Variants in ITGB3BP observed in about 807,000 individuals in gnomAD.
The protein encoded by ITGB3BP is centromere protein R.
In ITGB3BP, 27 loss-of-function variants were observed where a neutral mutation model predicts 29.1. That is an observed-to-expected ratio of 0.93 (90% CI 0.68 to 1.28). The LOEUF is 1.28. ITGB3BP is among the 50% of genes most tolerant of loss of function. The pLI is 0.00. For synonymous variants in ITGB3BP, 61 were observed against 61.4 expected, an observed-to-expected ratio of 0.99 and a Z score of 0.03; for missense variants, 192 against 200.2, an observed-to-expected ratio of 0.96 and a Z score of 0.25.
chr1:63,503,778 C>T (rs1646000770), intron 2 of ITGB3BP, among the ~76,000 whole-genome samples: 1 of 152,048 alleles, frequency 6.6e-6, no homozygotes, highest in African/African-American at 2.4e-5. Flanking sequence ...GAATCGTTTC[C>T]CCATTTCTCG....
rs750898980 is a variant in ITGB3BP, at chr1:63,522,978, G to A, written c.5+151C>T. On this transcript the variant is annotated intron_variant, in intron 1 of 8. Transcript: ENST00000271002. ...CCGCTGGAGGAGACGTAGAGTTGAG[G>A]GTACCAAGCGAAGGGAATTGCCTGT... The A allele has an allele frequency of 7.5e-5, 65 of 872,242 alleles. 1 individual carries two copies. The highest frequency in any genetic ancestry group is 5.8e-4 in the Admixed American group (34 of 58,980). 54.0% of individuals were successfully genotyped at this position (872,242 alleles called of 1,614,324 possible).
rs1458475360 is a variant in ITGB3BP, at chr1:63,490,222, G to C, written c.49-4C>G. On this transcript the variant is annotated splice_region_variant and splice_polypyrimidine_tract_variant and intron_variant, in intron 2 of 8. Transcript: ENST00000271002. ...TGATTTTTGAAGGATCAAATGACTG[G>C]AAATAAATAATAATTAAGGACAGAA... is the stretch of plus-strand genomic sequence containing the variant. The C allele has an allele frequency of 1.3e-6, 2 of 1,530,308 alleles. No individual in the cohort carries two copies. The highest frequency in any genetic ancestry group is 2.3e-5 in the South Asian group (2 of 86,192). 94.8% of individuals were successfully genotyped at this position (1,530,308 alleles called of 1,614,324 possible).
intron 4 of ITGB3BP, among the ~76,000 whole-genome samples, chr1:63,466,350 C>T (rs753949952): frequency 1.3e-5 from 2 of 152,192 alleles, no homozygotes; most frequent in African/African-American, 2.4e-5. Context: ...CTGGATGAAA[C>T]TACATATGAC....
intron 7 of ITGB3BP, chr1:63,447,195 CTTGT>C (rs1264959371): frequency 3.8e-6 from 1 of 265,976 alleles, no homozygotes; most frequent in Non-Finnish European, 7.2e-6. Flanking sequence ...CTATGTCTGC[CTTGT>C]TTGTCAGTGT....
intron 2 of ITGB3BP, among the ~76,000 whole-genome samples, chr1:63,493,912 T>C (rs1482996039): frequency 3.3e-5 from 5 of 152,230 alleles, no homozygotes; most frequent in Admixed American, 3.3e-4. Context: ...ATACAGATAC[T>C]GTAGTGTCTG....
rs757388317 is a variant in ITGB3BP, at chr1:63,454,506, C to G, written c.334-33G>C. On this transcript the variant is annotated intron_variant, in intron 5 of 8. Transcript: ENST00000271002. The surrounding 1 kb of genome is among the most constrained non-coding windows in gnomAD (Gnocchi z 4.1). ...AAAGTCATCTTGAATGAGTTAAGTT[C>G]TCTACACACATGAGATTACTGACAT... is the stretch of plus-strand genomic sequence containing the variant. 9.5e-7 allele frequency: 1 copy of G among 1,052,422 alleles called. No individual in the cohort carries two copies. The highest frequency in any genetic ancestry group is 1.4e-6 in the Non-Finnish European group (1 of 690,102). 65.2% of individuals were successfully genotyped at this position (1,052,422 alleles called of 1,614,324 possible).
intron 2 of ITGB3BP, among the ~76,000 whole-genome samples, chr1:63,494,045 G>A (rs1203254309): frequency 6.6e-6 from 1 of 152,104 alleles, no homozygotes. Context: ...TACTAATTAT[G>A]AAATTTACAT....
chr1:63,461,609 T>A (rs548758898), intron 4 of ITGB3BP, among the ~76,000 whole-genome samples: 2 of 152,354 alleles, frequency 1.3e-5, no homozygotes, highest in South Asian at 4.1e-4. Flanking sequence ...AGCCCTTATA[T>A]TTAGGTCACT....
chr1:63,470,794 T>TA (rs1645182936), intron 4 of ITGB3BP, among the ~76,000 whole-genome samples: 1 of 152,224 alleles, frequency 6.6e-6, no homozygotes, highest in Admixed American at 6.5e-5. Context: ...TTCTGTGCCA[T>TA]AAGGTATGCA....
At chr1:63,464,720 G>A (rs1397628) in intron 4 of ITGB3BP, among the ~76,000 whole-genome samples, 148 of 152,216 alleles carry the variant, frequency 9.7e-4, no homozygotes, top group African/African-American at 3.5e-3. Context: ...TAAACCTGGT[G>A]AACATCACTG....
At chr1:63,460,730 C>A (rs1034709045) in intron 4 of ITGB3BP, among the ~76,000 whole-genome samples, 1 of 152,120 alleles carries the variant, frequency 6.6e-6, no homozygotes, top group Non-Finnish European at 1.5e-5. Flanking sequence ...CTGTTTTCCA[C>A]AGGAGCTACA....
At chr1:63,442,089 T>TA (rs1305407797) in intron 8 of ITGB3BP, among the ~76,000 whole-genome samples, 1 of 152,148 alleles carries the variant, frequency 6.6e-6, no homozygotes, top group East Asian at 1.9e-4. Context: ...ACCCTGTCTT[T>TA]AAAAAACAAA....
chr1:63,499,100 A>C (rs182473622), intron 2 of ITGB3BP, among the ~76,000 whole-genome samples: 2 of 152,192 alleles, frequency 1.3e-5, no homozygotes, highest in East Asian at 3.9e-4. Flanking sequence ...TATTCAAAAA[A>C]TTTACAACAA....
chr1:63,463,253 A>AG (rs1339634473), intron 4 of ITGB3BP, among the ~76,000 whole-genome samples: 2 of 149,136 alleles, frequency 1.3e-5, no homozygotes, highest in African/African-American at 5.0e-5. Flanking sequence ...CTGTCTCAAA[A>AG]AAAAAAAAAA....
At chr1:63,483,742 T>A (rs1423520959) in intron 3 of ITGB3BP, among the ~76,000 whole-genome samples, 1 of 152,184 alleles carries the variant, frequency 6.6e-6, no homozygotes, top group African/African-American at 2.4e-5. Flanking sequence ...GACAGTGGTC[T>A]CATAAGATTA....
chr1:63,473,408 G>A (rs1570187164), intron 4 of ITGB3BP, among the ~76,000 whole-genome samples: 2 of 136,908 alleles, frequency 1.5e-5, no homozygotes, highest in Admixed American at 7.0e-5. Context: ...TCCTCTGCCC[G>A]GCCGCCCCTA....
At chr1:63,471,958 T>A (rs1645204744) in intron 4 of ITGB3BP, among the ~76,000 whole-genome samples, 1 of 151,832 alleles carries the variant, frequency 6.6e-6, no homozygotes, top group South Asian at 2.1e-4. Context: ...CTAATTTTTG[T>A]ATTTTTAGTA....
At chr1:63,504,743 G>A (rs1485946891) in intron 2 of ITGB3BP, among the ~76,000 whole-genome samples, 3 of 152,068 alleles carry the variant, frequency 2.0e-5, no homozygotes, top group Non-Finnish European at 2.9e-5. Context: ...TTTGTCAAAG[G>A]CCTTTTCCAC....
chr1:63,495,108 T>C (rs1161781916), intron 2 of ITGB3BP, among the ~76,000 whole-genome samples: 2 of 152,186 alleles, frequency 1.3e-5, no homozygotes, highest in Non-Finnish European at 2.9e-5. Context: ...TGCAGGCTTC[T>C]AGAGACTTTA....
Sources: allele counts gnomAD v4.1 joint callset (sites outside exome capture counted in the v4.1 genomes callset), GRCh38; gene constraint gnomAD v4.1.1; non-coding constraint Gnocchi (gnomAD v3.1); transcripts MANE v1.5; gene names NCBI Gene and HGNC (gene_info 2026-07-23, HGNC 2026-07-21).